Variants in ACER2 observed in about 807,000 individuals in gnomAD.
The protein encoded by ACER2 is alkCDase 2.
ACER2 carries 26 observed loss-of-function variants against 34.7 expected under a neutral mutation model. The observed-to-expected ratio is 0.75, with a 90% CI of 0.55 to 1.04. The LOEUF is 1.04. Among genes scored for constraint, ACER2 ranks in the 50% least tolerant of loss-of-function variants. The pLI, the probability that ACER2 is intolerant of heterozygous loss-of-function variation, is 0.00. For missense variants in ACER2, 352 were observed against 340.8 expected (o/e 1.03, Z -0.26); for synonymous variants, 138 against 132.1 (o/e 1.04, Z -0.31).
intron 3 of ACER2, among the ~76,000 whole-genome samples, chr9:19,428,495 A>C (rs540444085): frequency 3.9e-5 from 6 of 152,194 alleles, no homozygotes. Flanking sequence ...AACACACATT[A>C]AAAACAGTTT....
intron 5 of ACER2, 93 bp downstream of exon 5, chr9:19,446,511 C>G (rs1013513719): frequency 7.0e-6 from 11 of 1,576,386 alleles, no homozygotes; most frequent in Non-Finnish European, 8.6e-6. Context: ...CACAGGTGTC[C>G]TGTGGGTTGC....
At chr9:19,418,683 G>A (rs887385517) in intron 1 of ACER2, among the ~76,000 whole-genome samples, 5 of 152,234 alleles carry the variant, frequency 3.3e-5, no homozygotes, top group Middle Eastern at 3.4e-3. Flanking sequence ...ATCACACACC[G>A]GGGCCTTTTG....
Position 19,433,487 on chromosome 9 carries a change from A to G in ACER2, c.366-1460A>G, listed in dbSNP as rs1172246944. On this transcript the variant is annotated intron_variant, in intron 3 of 5. Coordinates refer to ENST00000340967, the MANE Select transcript of ACER2 (RefSeq NM_001010887.3). ...GGGTTGGGGGTAAGGTCACAGATCA[A>G]CAGGATCCCAAGGCAGAAGAATTTT... Among the ~76,000 whole-genome samples, 3 of 152,134 alleles carry G rather than the reference A, an allele frequency of 2.0e-5. No individual in the cohort carries two copies. The South Asian group carries it at 6.2e-4, about 32-fold the overall frequency.
chr9:19,421,701 C>G (rs1322904334), intron 1 of ACER2, among the ~76,000 whole-genome samples: 2 of 152,010 alleles, frequency 1.3e-5, no homozygotes, highest in East Asian at 3.9e-4. Context: ...ATGAAATGTA[C>G]TAAATGCCAC....
intron 1 of ACER2, among the ~76,000 whole-genome samples, chr9:19,410,793 G>C (rs1198426625): frequency 6.6e-6 from 1 of 152,226 alleles, no homozygotes; most frequent in Non-Finnish European, 1.5e-5. Flanking sequence ...AGAGCATGCT[G>C]TCAGGGGTAA....
intron 4 of ACER2, among the ~76,000 whole-genome samples, chr9:19,442,919 G>A (rs1301772294): frequency 9.9e-5 from 15 of 151,482 alleles, no homozygotes; most frequent in African/African-American, 3.2e-4. Flanking sequence ...TGCAACCTCC[G>A]CCTCCTGGGT....
Position 19,451,183 on chromosome 9 carries a change from C to G in ACER2, c.*547C>G, listed in dbSNP as rs1362826039. ...GGGGATCCAGCCCTGTACAATGCATCTCTTCCTGGAGAAAGCTGGCCTGCT... is the reference window on the plus strand; with the variant it reads ...GGGGATCCAGCCCTGTACAATGCATGTCTTCCTGGAGAAAGCTGGCCTGCT... On this transcript the variant is annotated 3_prime_UTR_variant, in exon 6 of 6. Coordinates refer to ENST00000340967, the MANE Select transcript of ACER2 (RefSeq NM_001010887.3). 6.6e-6 allele frequency: 1 copy of G among 152,312 alleles called. No individual in the cohort carries two copies. Among genetic ancestry groups the G allele is most frequent in the Non-Finnish European group, 1.5e-5 (1 of 68,122 alleles). 9.4% of individuals were successfully genotyped at this position (152,312 alleles called of 1,614,324 possible).
At chr9:19,450,422 G>A in intron 5 of ACER2, 28 bp from the exon 6 acceptor site, 1 of 1,562,064 alleles carries the variant, frequency 6.4e-7, no homozygotes, top group East Asian at 2.3e-5. Flanking sequence ...ATGCTCATCA[G>A]GTTCTCACCT....
chr9:19,412,832 G>A (rs1018202282), intron 1 of ACER2, among the ~76,000 whole-genome samples: 5 of 151,984 alleles, frequency 3.3e-5, no homozygotes, highest in Non-Finnish European at 7.4e-5. Context: ...TGTTTATACA[G>A]TACTCCCTTT....
chr9:19,410,844 C>T (rs570809718), intron 1 of ACER2, among the ~76,000 whole-genome samples: 1 of 152,270 alleles, frequency 6.6e-6, no homozygotes, highest in East Asian at 1.9e-4. Context: ...GTTCTGGGTA[C>T]TTTCAATAAG....
At chr9:19,412,428 A>G (rs1253422259) in intron 1 of ACER2, among the ~76,000 whole-genome samples, 1 of 152,068 alleles carries the variant, frequency 6.6e-6, no homozygotes, top group Non-Finnish European at 1.5e-5. Context: ...TGAGGCAGGC[A>G]GATCATTTGA....
rs1366069697 is a variant in ACER2, at chr9:19,411,972, A to G, written c.108+2780A>G. On this transcript the variant is annotated intron_variant, in intron 1 of 5. Coordinates refer to ENST00000340967, the MANE Select transcript of ACER2 (RefSeq NM_001010887.3). Reference sequence around the variant, plus strand: ...AATTGGGGCCTAGAGAGTTTATGTAACTTGCTGTGGTCAAGAGCATAGCAC... The same window carrying G: ...AATTGGGGCCTAGAGAGTTTATGTAGCTTGCTGTGGTCAAGAGCATAGCAC... Among the ~76,000 whole-genome samples the G allele has an allele frequency of 4.6e-5, 7 of 152,200 alleles. No individual in the cohort carries two copies. In the East Asian group the frequency reaches 1.3e-3, roughly 29 times the overall value.
intron 1 of ACER2, chr9:19,409,967 A>G: frequency 2.0e-6 from 2 of 982,698 alleles, no homozygotes; most frequent in Non-Finnish European, 2.4e-6. Context: ...TGTGGTAGGG[A>G]AGGGTTGCAG....
At chr9:19,440,817 T>C (rs768595995) in intron 4 of ACER2, among the ~76,000 whole-genome samples, 5 of 152,116 alleles carry the variant, frequency 3.3e-5, no homozygotes, top group Non-Finnish European at 7.4e-5. Context: ...ACTCTACTAT[T>C]ATGTGTCTAG....
At chr9:19,417,446 G>T (rs560244213) in intron 1 of ACER2, among the ~76,000 whole-genome samples, 1 of 152,258 alleles carries the variant, frequency 6.6e-6, no homozygotes, top group South Asian at 2.1e-4. Context: ...AAAGCTGGAG[G>T]CATCACGCTA....
intron 1 of ACER2, among the ~76,000 whole-genome samples, chr9:19,417,341 A>G (rs555358573): frequency 6.6e-6 from 1 of 152,332 alleles, no homozygotes; most frequent in Non-Finnish European, 1.5e-5. Context: ...TCAAGCTACC[A>G]TTAACTTTTT....
In ACER2 at chr9:19,409,929, T is replaced by C. The variant is rs367691156; in HGVS notation, c.108+737T>C. The stretch of plus-strand genomic sequence containing the variant: ...ATAAGGGTGAGCAGAAACTTCCCCA[T>C]TGCAGAATCCTGTGTGATTTTAGTT... On this transcript the variant is annotated intron_variant, in intron 1 of 5. Coordinates refer to ENST00000340967, the MANE Select transcript of ACER2 (RefSeq NM_001010887.3). 4.6e-5 allele frequency: 45 copies of C among 985,370 alleles called. 1 individual carries two copies. Among genetic ancestry groups the C allele is most frequent in the Middle Eastern group, 5.2e-4 (1 of 1,914 alleles). The allele number at this position is 985,370 out of a possible 1,614,324, so 61.0% of individuals were successfully genotyped here.
intron 1 of ACER2, among the ~76,000 whole-genome samples, chr9:19,411,391 A>T (rs1047067832): frequency 2.4e-4 from 36 of 152,040 alleles, no homozygotes; most frequent in African/African-American, 8.0e-4. Flanking sequence ...GTTGCTATTT[A>T]AAAAAATTTT....
rs1355438440 is a variant in ACER2 at position 19,409,207 on chromosome 9, A to G, written c.108+15A>G. On this transcript the variant is annotated intron_variant, in intron 1 of 5. Transcript: ENST00000340967. ...TCTACAACACGGTGCGGGGCGCGGG[A>G]GCGGGGAAGGCAGGCGGGCCAGCGG... 6.4e-7 allele frequency: 1 copy of G among 1,569,350 alleles called. No homozygotes were observed. The highest frequency in any genetic ancestry group is 1.4e-5 in the African/African-American group (1 of 73,918).
Sources: gnomAD v4.1 joint callset for allele counts (sites outside exome capture counted in the v4.1 genomes callset) on GRCh38, gnomAD v4.1.1 for gene constraint, MANE v1.5 for transcripts, NCBI Gene and HGNC (gene_info 2026-07-23, HGNC 2026-07-21) for gene names.